TEX36: variants seen among roughly 807,000 people sequenced by gnomAD.
The protein encoded by TEX36 is testis expressed 36.
Under a neutral mutation model 13.6 loss-of-function variants are expected in TEX36, and 12 were observed. The ratio of observed to expected loss-of-function variants is 0.88; its 90% CI spans 0.56 to 1.43. The LOEUF (loss-of-function observed/expected upper bound fraction) is 1.43. Among genes scored for constraint, TEX36 ranks in the 40% most tolerant of loss-of-function variants. TEX36 has a pLI of 0.00. For missense variants in TEX36, 224 were observed against 228.3 expected, an observed-to-expected ratio of 0.98 and a Z score of 0.12; for synonymous variants, 93 against 83.0, an observed-to-expected ratio of 1.12 and a Z score of -0.65.
intron 3 of TEX36, among the ~76,000 whole-genome samples, chr10:125,643,056 C>T (rs1052563962): frequency 1.3e-5 from 2 of 152,112 alleles, no homozygotes; most frequent in African/African-American, 4.8e-5. Context: ...GGGCATTTGA[C>T]GAGGTTATTC....
intron 3 of TEX36, among the ~76,000 whole-genome samples, chr10:125,629,882 T>C (rs1414281476): frequency 2.0e-5 from 3 of 151,996 alleles, no homozygotes; most frequent in Admixed American, 2.0e-4. Flanking sequence ...GCCCTTTGGA[T>C]GAAATTTTTT....
intron 3 of TEX36, among the ~76,000 whole-genome samples, chr10:125,614,732 T>C (rs2133554504): frequency 6.6e-6 from 1 of 152,300 alleles, no homozygotes; most frequent in Non-Finnish European, 1.5e-5. Context: ...TCCAGCTTTG[T>C]TCTTTTGGCT....
intron 3 of TEX36, 57 bp from the exon 4 acceptor site, chr10:125,656,253 T>C: frequency 1.0e-5 from 12 of 1,148,392 alleles, no homozygotes; most frequent in African/African-American, 7.3e-5. Flanking sequence ...ATAGTTCTTT[T>C]TTTTTTTTTT....
intron 3 of TEX36, among the ~76,000 whole-genome samples, chr10:125,599,060 C>T (rs1846113936): frequency 6.6e-6 from 1 of 152,154 alleles, no homozygotes; most frequent in Non-Finnish European, 1.5e-5. Flanking sequence ...TGAAGAGTCA[C>T]TCACTGAAAG....
At chr10:125,600,580 C>CT (rs1323861207) in intron 3 of TEX36, among the ~76,000 whole-genome samples, 1 of 152,142 alleles carries the variant, frequency 6.6e-6, no homozygotes, top group African/African-American at 2.4e-5. Context: ...GGATCTAGCC[C>CT]TACATGCTAC....
At chr10:125,613,272 TATTTATTTATTTTTA>T (rs1846313952) in intron 3 of TEX36, among the ~76,000 whole-genome samples, 1 of 135,376 alleles carries the variant, frequency 7.4e-6, no homozygotes, top group African/African-American at 2.9e-5. Flanking sequence ...TTTATTTATT[TATTTATTTATTTTTA>T]TTATTATTAT....
At chr10:125,606,590 CA>C (rs1205620759) in intron 3 of TEX36, among the ~76,000 whole-genome samples, 1 of 152,118 alleles carries the variant, frequency 6.6e-6, no homozygotes, top group Non-Finnish European at 1.5e-5. Flanking sequence ...CTTATCAGAT[CA>C]GGGGGTGGAA....
At chr10:125,625,200 C>A (rs184201629) in intron 3 of TEX36, among the ~76,000 whole-genome samples, 1 of 152,350 alleles carries the variant, frequency 6.6e-6, no homozygotes, top group East Asian at 1.9e-4. Context: ...GACATGAGCC[C>A]CTCCTGGGCA....
chr10:125,589,277 C>T (rs189852232), intron 3 of TEX36, among the ~76,000 whole-genome samples: 8 of 152,136 alleles, frequency 5.3e-5, no homozygotes, highest in Admixed American at 2.0e-4. Flanking sequence ...TTGGATTTTT[C>T]GGATGAATAG....
intron 1 of TEX36, chr10:125,667,575 G>A: frequency 2.7e-6 from 2 of 737,364 alleles, no homozygotes; most frequent in East Asian, 2.6e-5. Context: ...TACAACCCTT[G>A]GGTGGTGGTC....
intron 3 of TEX36, among the ~76,000 whole-genome samples, chr10:125,626,448 G>C (rs1334515783): frequency 2.0e-5 from 3 of 152,182 alleles, no homozygotes; most frequent in Admixed American, 6.5e-5. Flanking sequence ...TTTCATGCAT[G>C]TTATCTCATT....
intron 3 of TEX36, among the ~76,000 whole-genome samples, chr10:125,629,047 C>A (rs994852236): frequency 2.0e-5 from 3 of 152,248 alleles, no homozygotes; most frequent in African/African-American, 7.2e-5. Context: ...ATATGACTTA[C>A]ACCCAGCCTG....
intron 3 of TEX36, among the ~76,000 whole-genome samples, chr10:125,628,374 T>C (rs1432733343): frequency 2.0e-5 from 3 of 152,246 alleles, no homozygotes; most frequent in African/African-American, 7.2e-5. Context: ...TTGTGGCCTC[T>C]GGTGTGGGTT....
At chr10:125,590,825 G>A (rs986946538) in intron 3 of TEX36, among the ~76,000 whole-genome samples, 36 of 152,136 alleles carry the variant, frequency 2.4e-4, no homozygotes, top group African/African-American at 8.5e-4. Flanking sequence ...ACAATAGAGA[G>A]ATTCTATATA....
At chr10:125,636,690 C>T (rs1258013195) in intron 3 of TEX36, among the ~76,000 whole-genome samples, 3 of 152,272 alleles carry the variant, frequency 2.0e-5, no homozygotes, top group South Asian at 4.1e-4. Context: ...GGCCGGTCCC[C>T]GAACCCACTC....
chr10:125,618,342 C>T (rs1464365079), downstream of TEX36, among the ~76,000 whole-genome samples: 2 of 148,112 alleles, frequency 1.4e-5, no homozygotes, highest in African/African-American at 5.3e-5. Flanking sequence ...AACTGCGTTC[C>T]TTTGGAGGAG....
At chr10:125,657,477 G>C (rs1846967845) in intron 3 of TEX36, among the ~76,000 whole-genome samples, 1 of 152,108 alleles carries the variant, frequency 6.6e-6, no homozygotes, top group Non-Finnish European at 1.5e-5. Flanking sequence ...AATGACTTGA[G>C]GATACTCCAG....
At chr10:125,677,995 T>C (rs1447722712) in intron 1 of TEX36, among the ~76,000 whole-genome samples, 1 of 152,204 alleles carries the variant, frequency 6.6e-6, no homozygotes, top group Non-Finnish European at 1.5e-5. Flanking sequence ...AAAATGAATA[T>C]TTTCAATTCT....
At chr10:125,580,126 T>G (rs1845866691) in intron 3 of TEX36, among the ~76,000 whole-genome samples, 2 of 152,210 alleles carry the variant, frequency 1.3e-5, no homozygotes, top group African/African-American at 2.4e-5. Context: ...GAGGATATTT[T>G]GGAGTGTCAG....
Sources: gnomAD v4.1 joint callset for allele counts (sites outside exome capture counted in the v4.1 genomes callset) on GRCh38, gnomAD v4.1.1 for gene constraint, MANE v1.5 for transcripts, NCBI Gene and HGNC (gene_info 2026-07-23, HGNC 2026-07-21) for gene names.